The following DGKI variants were observed in gnomAD, a reference collection of about 807,000 sequenced individuals.
DGKI encodes diacylglycerol kinase iota.
DGKI carries 55 observed loss-of-function variants against 147.5 expected under a neutral mutation model. The ratio of observed to expected loss-of-function variants is 0.37; its 90% CI spans 0.30 to 0.47. DGKI has a LOEUF of 0.47. DGKI is among the 20% of genes least tolerant of loss of function. DGKI has a pLI of 1.00. For missense variants in DGKI, 1,007 were observed against 1,323.8 expected, an observed-to-expected ratio of 0.76 and a Z score of 3.71; for synonymous variants, 469 against 477.1, an observed-to-expected ratio of 0.98 and a Z score of 0.22.
intron 12 of DGKI, among the ~76,000 whole-genome samples, chr7:137,587,999 G>T (rs1467890688): frequency 6.6e-6 from 1 of 152,150 alleles, no homozygotes; most frequent in Non-Finnish European, 1.5e-5. Context: ...AAAGGAGTTT[G>T]AATGTCCTTA....
intron 1 of DGKI, among the ~76,000 whole-genome samples, chr7:137,823,867 C>T (rs940543119): frequency 6.6e-6 from 1 of 152,018 alleles, no homozygotes; most frequent in Admixed American, 6.6e-5. Context: ...ATGAGTAAGT[C>T]CATATGAGAA....
intron 1 of DGKI, among the ~76,000 whole-genome samples, chr7:137,730,454 C>G (rs1794843747): frequency 6.6e-6 from 1 of 152,036 alleles, no homozygotes; most frequent in Non-Finnish European, 1.5e-5. Flanking sequence ...TCTACACTAC[C>G]TTGGTTCAGT....
intron 3 of DGKI, among the ~76,000 whole-genome samples, chr7:137,674,829 T>C (rs1822975439): frequency 6.6e-6 from 1 of 152,206 alleles, no homozygotes; most frequent in African/African-American, 2.4e-5. Flanking sequence ...TGCCTCTGTC[T>C]GCTTCAACCC....
At chr7:137,439,573 C>T (rs1007739064) in intron 28 of DGKI, among the ~76,000 whole-genome samples, 2 of 152,160 alleles carry the variant, frequency 1.3e-5, no homozygotes, top group Admixed American at 6.5e-5. Context: ...CTCTACCTGG[C>T]CCCATCCTTG....
rs1021346479 is a variant in DGKI at position 137,391,086 on chromosome 7, A to G, written c.*134T>C. ...TTGGTAGCCCTTAAAAGCTAGTGGC[A>G]TGGTCTCAGGTAGATTCTTGCAGGA... On this transcript the variant is annotated 3_prime_UTR_variant, in exon 33 of 33. Coordinates refer to ENST00000614521, the MANE Select transcript of DGKI (RefSeq NM_001321708.2). The G allele has an allele frequency of 5.3e-6, 4 of 749,660 alleles. No homozygotes were observed. Among genetic ancestry groups the G allele is most frequent in the Non-Finnish European group, 9.4e-6 (4 of 424,716 alleles). The allele number at this position is 749,660 out of a possible 1,614,324, so 46.4% of individuals were successfully genotyped here. A position where few individuals can be genotyped will look rare whatever the true frequency, so the allele number is the denominator to read the frequency against.
In DGKI at chr7:137,487,600, A is replaced by G. The variant is rs753683582; in HGVS notation, c.2328+10T>C. On this transcript the variant is annotated intron_variant, in intron 22 of 32. Transcript: ENST00000614521. ...TTGAGGAGAATAAAAAATTGGCTAA[A>G]TAAACTCACCTCCTGTAGGCGGTCT... The G allele has an allele frequency of 7.4e-6, 12 of 1,612,942 alleles. No homozygotes were observed. In the East Asian group the frequency reaches 2.5e-4, roughly 33 times the overall value.
chr7:137,483,383 C>A (rs1403254964), intron 23 of DGKI, among the ~76,000 whole-genome samples: 1 of 152,100 alleles, frequency 6.6e-6, no homozygotes, highest in African/African-American at 2.4e-5. Context: ...AGTCTTATAA[C>A]TACTACTGCC....
In DGKI at chr7:137,451,040, A is replaced by G. The variant is rs73443770; in HGVS notation, c.2736-6938T>C. ...CTGGTAAAAATTAAAATATTTTCATACTGAAACCAGCACAGTCATATTATG... is the reference window on the plus strand; with the variant it reads ...CTGGTAAAAATTAAAATATTTTCATGCTGAAACCAGCACAGTCATATTATG... On this transcript the variant is annotated intron_variant, in intron 27 of 32. Transcript: ENST00000614521. 6.9e-3 allele frequency among the ~76,000 whole-genome samples: 1,058 copies of G among 152,322 alleles called. 5 individuals are homozygous for G. Among genetic ancestry groups the G allele is most frequent in the African/African-American group, 0.025 (1,020 of 41,582 alleles).
At chr7:137,435,296 T>C (rs1813238102) in intron 28 of DGKI, among the ~76,000 whole-genome samples, 1 of 151,962 alleles carries the variant, frequency 6.6e-6, no homozygotes. Context: ...AAACAGGCAA[T>C]AAGGAAGGAG....
intron 20 of DGKI, among the ~76,000 whole-genome samples, chr7:137,550,017 TATAA>T (rs1817991304): frequency 6.6e-6 from 1 of 152,246 alleles, no homozygotes; most frequent in South Asian, 2.1e-4. Context: ...CTTTAAGTCT[TATAA>T]ATATTCATTA....
At chr7:137,443,662 T>C (rs1408441507) in intron 28 of DGKI, among the ~76,000 whole-genome samples, 2 of 152,184 alleles carry the variant, frequency 1.3e-5, no homozygotes, top group East Asian at 1.9e-4. Context: ...AAATGAGTGA[T>C]TGGAACATGA....
At chr7:137,534,222 CAGTTCTTATTCT>C (rs1817440984) in intron 20 of DGKI, among the ~76,000 whole-genome samples, 1 of 152,048 alleles carries the variant, frequency 6.6e-6, no homozygotes, top group South Asian at 2.1e-4. Flanking sequence ...AGGATAATGT[CAGTTCTTATTCT>C]AGTACTGGAG....
intron 1 of DGKI, among the ~76,000 whole-genome samples, chr7:137,777,966 A>G (rs557070125): frequency 6.6e-6 from 1 of 152,168 alleles, no homozygotes; most frequent in Admixed American, 6.5e-5. Flanking sequence ...ACCTTCCCTT[A>G]TTTCCTCAAC....
intron 23 of DGKI, among the ~76,000 whole-genome samples, chr7:137,474,541 G>A (rs571004919): frequency 3.3e-5 from 5 of 152,256 alleles, no homozygotes; most frequent in Admixed American, 2.0e-4. Flanking sequence ...TTGAGGTGGC[G>A]GTGGTGGATG....
chr7:137,426,025 T>C (rs1440955712), intron 28 of DGKI, among the ~76,000 whole-genome samples: 8 of 152,070 alleles, frequency 5.3e-5, no homozygotes, highest in Non-Finnish European at 1.0e-4. Flanking sequence ...CAGGCCAACA[T>C]TCAGACTCAG....
chr7:137,839,549 C>A (rs1798488020), intron 1 of DGKI, among the ~76,000 whole-genome samples: 1 of 152,186 alleles, frequency 6.6e-6, no homozygotes, highest in African/African-American at 2.4e-5. Flanking sequence ...ACTATCACTA[C>A]CATTTTGCAG....
intron 8 of DGKI, among the ~76,000 whole-genome samples, chr7:137,619,316 T>C (rs1476984089): frequency 6.6e-6 from 1 of 152,186 alleles, no homozygotes; most frequent in African/African-American, 2.4e-5. Flanking sequence ...AATTCTACTT[T>C]GCCTTAAGAA....
intron 8 of DGKI, among the ~76,000 whole-genome samples, chr7:137,611,460 G>A (rs915840482): frequency 6.6e-6 from 1 of 152,128 alleles, no homozygotes. Context: ...GTAGAAAGAG[G>A]AAAGTGAGGA....
intron 23 of DGKI, among the ~76,000 whole-genome samples, chr7:137,479,583 C>T (rs192907391): frequency 6.6e-6 from 1 of 152,232 alleles, no homozygotes; most frequent in East Asian, 1.9e-4. Flanking sequence ...CACAGCAGCC[C>T]CATCACACAC....
Sources: allele counts gnomAD v4.1 joint callset (sites outside exome capture counted in the v4.1 genomes callset), GRCh38; gene constraint gnomAD v4.1.1; transcripts MANE v1.5; gene names NCBI Gene and HGNC (gene_info 2026-07-23, HGNC 2026-07-21).